AOPEP: variants seen among roughly 807,000 people sequenced by gnomAD.
The protein encoded by AOPEP is aminopeptidase O (putative).
AOPEP carries 77 observed loss-of-function variants against 98.1 expected under a neutral mutation model. The ratio of observed to expected loss-of-function variants is 0.78; its 90% CI spans 0.65 to 0.95. The LOEUF is 0.95. AOPEP is among the 40% of genes least tolerant of loss of function. The pLI, the probability that AOPEP is intolerant of heterozygous loss-of-function variation, is 0.00. For missense variants in AOPEP, 1,024 were observed against 1,024.7 expected (o/e 1.00, Z 0.01); for synonymous variants, 346 against 365.3 (o/e 0.95, Z 0.60).
At chr9:94,838,030 A>G (rs951949855) in intron 5 of AOPEP, among the ~76,000 whole-genome samples, 15 of 151,694 alleles carry the variant, frequency 9.9e-5, no homozygotes, top group African/African-American at 3.6e-4. Context: ...TTTTTTTTTG[A>G]CGGAGTCTTG....
At chr9:94,742,804 T>C (rs1833466875) in intron 1 of AOPEP, among the ~76,000 whole-genome samples, 2 of 152,218 alleles carry the variant, frequency 1.3e-5, no homozygotes, top group Non-Finnish European at 2.9e-5. Context: ...ATTTGGGGCA[T>C]GTAATTTTGT....
At chr9:94,876,562 T>G (rs965246585) in intron 5 of AOPEP, among the ~76,000 whole-genome samples, 29 of 152,158 alleles carry the variant, frequency 1.9e-4, no homozygotes, top group African/African-American at 6.8e-4. Flanking sequence ...AGACGAGGTT[T>G]CACCGTGTTA....
chr9:94,872,600 A>G (rs943809787), intron 5 of AOPEP, among the ~76,000 whole-genome samples: 1 of 152,200 alleles, frequency 6.6e-6, no homozygotes, highest in Non-Finnish European at 1.5e-5. Context: ...TTTAATATCT[A>G]AAACTCCTTT....
intron 1 of AOPEP, among the ~76,000 whole-genome samples, chr9:94,747,491 G>A (rs751070094): frequency 2.2e-4 from 34 of 152,142 alleles, no homozygotes; most frequent in Non-Finnish European, 4.3e-4. Context: ...ATAGCTCAAT[G>A]TTGTTTTAAC....
intron 5 of AOPEP, among the ~76,000 whole-genome samples, chr9:94,909,505 A>T (rs891344117): frequency 3.3e-5 from 5 of 152,206 alleles, no homozygotes; most frequent in African/African-American, 1.2e-4. Flanking sequence ...CTCACATGAA[A>T]CTGGTCAACC....
At chr9:94,726,901 T>G (rs1165200952) in intron 1 of AOPEP, 150 bp downstream of exon 1, 2 of 152,620 alleles carry the variant, frequency 1.3e-5, no homozygotes, top group Non-Finnish European at 2.9e-5. Flanking sequence ...CATCCCCTCC[T>G]CAGTTCTCCC....
chr9:94,931,588 A>G (rs904827490), intron 7 of AOPEP: 6 of 653,896 alleles, frequency 9.2e-6, no homozygotes, highest in South Asian at 2.0e-5. Flanking sequence ...TTTGTTTTCA[A>G]TGAGACCTTG....
chr9:94,880,995 A>G (rs2135843283), intron 5 of AOPEP, among the ~76,000 whole-genome samples: 1 of 152,306 alleles, frequency 6.6e-6, no homozygotes, highest in South Asian at 2.1e-4. Context: ...GATCTTTACC[A>G]CAGTCAGTCA....
chr9:94,731,447 C>T (rs1277686851), intron 1 of AOPEP, among the ~76,000 whole-genome samples: 7 of 151,846 alleles, frequency 4.6e-5, no homozygotes, highest in African/African-American at 1.7e-4. Flanking sequence ...AGGATGGTCT[C>T]GATCTCCTGA....
In AOPEP at chr9:94,908,850, G is replaced by A. The variant is rs189274501; in HGVS notation, c.1365-15136G>A. On this transcript the variant is annotated intron_variant, in intron 5 of 16. Transcript: ENST00000375315. ...TTTCAAATGTCAGAAGAGTTCAGCC[G>A]AGTGCTGCAAATCTCGTCACTGATA... Among the ~76,000 whole-genome samples the A allele has an allele frequency of 6.6e-3, 994 of 151,644 alleles. 15 individuals carry two copies. The highest frequency in any genetic ancestry group is 0.023 in the African/African-American group (941 of 41,002).
chr9:95,005,699 T>A, intron 13 of AOPEP, 83 bp downstream of exon 13: 1 of 1,067,810 alleles, frequency 9.4e-7, no homozygotes, highest in Non-Finnish European at 1.4e-6. Flanking sequence ...GACAATAGAG[T>A]AGTGTTTAAT....
intron 5 of AOPEP, among the ~76,000 whole-genome samples, chr9:94,847,481 T>C (rs1187541119): frequency 1.3e-5 from 2 of 152,232 alleles, no homozygotes; most frequent in Admixed American, 6.5e-5. Context: ...CAGGGCCAGG[T>C]GAACTCTACT....
intron 5 of AOPEP, among the ~76,000 whole-genome samples, chr9:94,889,250 T>C (rs1343310057): frequency 6.6e-6 from 1 of 152,224 alleles, no homozygotes; most frequent in East Asian, 1.9e-4. Flanking sequence ...CGCCTTGGCC[T>C]CCCAAAGTGC....
At chr9:95,097,959 G>A in the AOPEP span, among the ~76,000 whole-genome samples, 1 of 152,174 alleles carries the variant, frequency 6.6e-6, no homozygotes. Flanking sequence ...ATTTGGCAGA[G>A]GGAAGAACTT....
intron 5 of AOPEP, among the ~76,000 whole-genome samples, chr9:94,890,966 G>C (rs574876967): frequency 6.6e-6 from 1 of 152,194 alleles, no homozygotes; most frequent in East Asian, 1.9e-4. Flanking sequence ...GATCTTGTTG[G>C]TTGATGGTCA....
chr9:94,797,585 T>C (rs1847273117), intron 4 of AOPEP, among the ~76,000 whole-genome samples: 1 of 152,138 alleles, frequency 6.6e-6, no homozygotes, highest in Non-Finnish European at 1.5e-5. Flanking sequence ...ATAATTAACA[T>C]ACAACAAAAC....
intron 11 of AOPEP, among the ~76,000 whole-genome samples, chr9:94,985,801 C>A (rs545020124): frequency 2.6e-4 from 39 of 152,106 alleles, no homozygotes; most frequent in Admixed American, 3.9e-4. Context: ...TGTCAAGGAT[C>A]CTTAAAGACA....
At chr9:94,921,485 A>T (rs761349889) in intron 5 of AOPEP, 3 of 152,272 alleles carry the variant, frequency 2.0e-5, no homozygotes, top group Admixed American at 1.3e-4. Context: ...GTTGAAGAAA[A>T]GCAATCTAAA....
rs199518723 is a variant in AOPEP, at chr9:95,005,161, C to T, written c.1981C>T (p.Leu661=). ...WLESSGIPKP[L]QRERRAGAEC... The stretch of plus-strand genomic sequence containing the variant: ...ACTGTGTCCTCTTCCCCCGCAGCCG[C>T]TGCAGAGGGAGCGTCGCGCCGGGGC... The change falls in exon 12 of 17, where the codon CTG becomes TTG. Residue 661 remains leucine, a synonymous_variant. Transcript: ENST00000375315. 1.2e-4 allele frequency: 140 copies of T among 1,152,660 alleles called. 1 individual carries two copies. The Admixed American group carries it at 5.0e-3, about 41-fold the overall frequency. The allele number at this position is 1,152,660 out of a possible 1,614,324, so 71.4% of individuals were successfully genotyped here.
Sources: allele counts gnomAD v4.1 joint callset (sites outside exome capture counted in the v4.1 genomes callset), GRCh38; gene constraint gnomAD v4.1.1; transcripts MANE v1.5; gene names NCBI Gene and HGNC (gene_info 2026-07-23, HGNC 2026-07-21).